CSTF3: variants seen among roughly 807,000 people sequenced by gnomAD.
CSTF3 encodes the protein cleavage stimulation factor subunit 3.
A neutral mutation model predicts 105.8 loss-of-function variants in CSTF3; 29 were observed. The observed-to-expected ratio is 0.27, with a 90% CI of 0.20 to 0.37. The LOEUF (loss-of-function observed/expected upper bound fraction) is 0.37, where lower values mean the gene tolerates loss of function less well. Among genes scored for constraint, CSTF3 ranks in the 10% least tolerant of loss-of-function variants. The pLI, the probability that CSTF3 is intolerant of heterozygous loss-of-function variation, is 1.00. For missense variants in CSTF3, 357 were observed against 879.3 expected (o/e 0.41, Z 7.51); for synonymous variants, 252 against 281.9 (o/e 0.89, Z 1.06).
chr11:33,145,419 C>G (rs950726935), intron 1 of CSTF3, among the ~76,000 whole-genome samples: 30 of 151,752 alleles, frequency 2.0e-4, no homozygotes, highest in African/African-American at 6.1e-4. Context: ...GGGCAAGACT[C>G]TGTGTCAAAA....
chr11:33,095,494 C>T (rs941899920), intron 15 of CSTF3, among the ~76,000 whole-genome samples: 3 of 152,104 alleles, frequency 2.0e-5, no homozygotes, highest in African/African-American at 7.2e-5. Context: ...TAAAGGATGG[C>T]CAGTGTTATT....
intron 8 of CSTF3, among the ~76,000 whole-genome samples, chr11:33,104,695 G>T (rs989325545): frequency 3.3e-5 from 5 of 152,178 alleles, no homozygotes; most frequent in Admixed American, 3.3e-4. Context: ...AGCCCAGGAA[G>T]TTGAGACTGC....
In CSTF3 at chr11:33,109,861, T is replaced by C. The variant is rs142641502; in HGVS notation, c.226-1443A>G. On this transcript the variant is annotated intron_variant, in intron 3 of 20. Coordinates refer to ENST00000323959, the MANE Select transcript of CSTF3 (RefSeq NM_001326.3). ...AGATCTCCTGGTTCTGTCCTTGAAA[T>C]CTGTTATCTTTACCCTTCCTTTGAA... Among the ~76,000 whole-genome samples, 1,186 of 152,296 alleles carry C rather than the reference T, an allele frequency of 7.8e-3. 6 individuals are homozygous for C. The highest frequency in any genetic ancestry group is 0.014 in the Non-Finnish European group (949 of 68,014).
chr11:33,099,795 C>T lies in CSTF3; in HGVS notation c.827-78G>A, dbSNP rs988518468. The T allele has an allele frequency of 5.9e-6, 5 of 842,594 alleles. No homozygotes were observed. The African/African-American group carries it at 7.1e-5, about 12-fold the overall frequency. 52.2% of individuals were successfully genotyped at this position (842,594 alleles called of 1,614,324 possible). A position where few individuals can be genotyped will look rare whatever the true frequency, so the allele number is the denominator to read the frequency against. On this transcript the variant is annotated intron_variant, in intron 10 of 20. Transcript: ENST00000323959. The surrounding 1 kb of genome is among the most constrained non-coding windows in gnomAD (Gnocchi z 4.1). ...AAACTATCAATGTAAATATCATAACCAAATTAGGCTCCTCAAAAATTAATG... is the reference window on the plus strand; with the variant it reads ...AAACTATCAATGTAAATATCATAACTAAATTAGGCTCCTCAAAAATTAATG...
intron 1 of CSTF3, among the ~76,000 whole-genome samples, chr11:33,160,660 T>G (rs1434603276): frequency 6.6e-6 from 1 of 152,252 alleles, no homozygotes. Flanking sequence ...TCATATTTAC[T>G]ATTAAAACAG....
intron 1 of CSTF3, among the ~76,000 whole-genome samples, chr11:33,145,153 C>A (rs1855765777): frequency 6.6e-6 from 1 of 152,054 alleles, no homozygotes; most frequent in Admixed American, 6.6e-5. Flanking sequence ...GAAAATGCAG[C>A]CGGATGCAGA....
At chr11:33,151,107 G>A (rs988136351) in intron 1 of CSTF3, among the ~76,000 whole-genome samples, 4 of 152,044 alleles carry the variant, frequency 2.6e-5, no homozygotes, top group African/African-American at 4.8e-5. Flanking sequence ...CAATCCCTAA[G>A]CCCTGGGCAA....
rs756792158 is a variant in CSTF3, at chr11:33,087,072, G to T, written c.1711C>A (p.Leu571Met). Residue 571 changes from leucine to methionine, a missense_variant, in exon 18 of 21, where the codon CTG (leucine) becomes ATG (methionine). Physicochemically the swap from Leu to Met is conservative, Grantham distance 15 (BLOSUM62 2). Transcript: ENST00000323959. The part of the protein sequence containing the change: ...PVVAPSIVPV[L>M]KDEVDRKPEY... ...GGTTTTCTATCCACTTCATCTTTCA[G>T]AACAGGCACTATAGAAGGAGCTACA... The T allele has an allele frequency of 1.2e-6, 2 of 1,614,112 alleles. No individual in the cohort carries two copies. The highest frequency in any genetic ancestry group is 1.7e-6 in the Non-Finnish European group (2 of 1,179,998).
intron 8 of CSTF3, among the ~76,000 whole-genome samples, chr11:33,104,278 TAACAC>T (rs764044091): frequency 2.0e-5 from 3 of 152,244 alleles, no homozygotes; most frequent in African/African-American, 4.8e-5. Flanking sequence ...GTTGTCATTA[TAACAC>T]TAAGACATTA....
chr11:33,118,589 C>CT (rs1855457148), intron 3 of CSTF3, among the ~76,000 whole-genome samples: 1 of 151,708 alleles, frequency 6.6e-6, no homozygotes, highest in Non-Finnish European at 1.5e-5. Flanking sequence ...GCTACTCTAC[C>CT]TCCCATTAGG....
At chr11:33,092,389 C>A in intron 15 of CSTF3, 49 bp from the exon 16 acceptor site, 1 of 1,266,048 alleles carries the variant, frequency 7.9e-7, no homozygotes, top group Non-Finnish European at 1.1e-6. Context: ...TTTTACGATG[C>A]AACAATATTT....
chr11:33,105,624 A>G lies in CSTF3; in HGVS notation c.528T>C (p.Cys176=). The G allele has an allele frequency of 6.2e-7, 1 of 1,613,466 alleles. No homozygotes were observed. The highest frequency in any genetic ancestry group is 8.5e-7 in the Non-Finnish European group (1 of 1,179,500). Residue 176 remains cysteine, a synonymous_variant, in exon 8 of 21, where the codon TGT becomes TGC. Transcript: ENST00000323959. ...GTTCAATGTTGATCATCGGATTAAC[A>G]CAACCTCGTTGATAAACTCTTCGGA... is the stretch of plus-strand genomic sequence containing the variant. The part of the protein sequence containing the change: ...TAVRRVYQRG[C]VNPMINIEQL...
At chr11:33,097,529 C>T (rs946992817) in intron 13 of CSTF3, among the ~76,000 whole-genome samples, 3 of 152,132 alleles carry the variant, frequency 2.0e-5, no homozygotes, top group African/African-American at 7.2e-5. Flanking sequence ...GCCACCACAC[C>T]CGGCTAATTT....
intron 1 of CSTF3, among the ~76,000 whole-genome samples, chr11:33,149,056 C>T (rs1467221178): frequency 1.3e-5 from 2 of 152,060 alleles, no homozygotes; most frequent in Non-Finnish European, 2.9e-5. Context: ...GGCCAATTCA[C>T]TACATGAGTG....
At chr11:33,126,951 A>T (rs920302567) in intron 3 of CSTF3, among the ~76,000 whole-genome samples, 1 of 152,232 alleles carries the variant, frequency 6.6e-6, no homozygotes, top group African/African-American at 2.4e-5. Flanking sequence ...TGGCAATTTT[A>T]AACAGAGTGG....
intron 4 of CSTF3, 106 bp from the exon 5 acceptor site, chr11:33,108,106 A>C (rs1855344300): frequency 5.9e-6 from 4 of 679,364 alleles, no homozygotes; most frequent in African/African-American, 1.9e-5. Flanking sequence ...TTATGAATTT[A>C]TCTCTTATAA....
At chr11:33,125,847 C>T (rs941601264) in intron 3 of CSTF3, among the ~76,000 whole-genome samples, 1 of 152,148 alleles carries the variant, frequency 6.6e-6, no homozygotes, top group African/African-American at 2.4e-5. Flanking sequence ...CTTATCTCCT[C>T]GCGTTCCTTT....
intron 3 of CSTF3, among the ~76,000 whole-genome samples, chr11:33,131,410 AGAGT>A (rs1855597390): frequency 6.6e-6 from 1 of 152,206 alleles, no homozygotes; most frequent in Non-Finnish European, 1.5e-5. Flanking sequence ...GATCAAAGAA[AGAGT>A]CAGTTATAAA....
Position 33,091,667 on chromosome 11 carries a change from CTT to C in CSTF3, c.1445+602_1445+603del, listed in dbSNP as rs202003364. On this transcript the variant is annotated intron_variant, in intron 16 of 20. Transcript: ENST00000323959. ...GAGGTGAAAATTTCAGAATGCCTCT[CTT>C]AACATGTTAATATCAATTTCTAGGG... 8.1e-3 allele frequency among the ~76,000 whole-genome samples: 1,227 copies of C among 152,264 alleles called. 4 individuals are homozygous for C. Among genetic ancestry groups the C allele is most frequent in the Non-Finnish European group, 0.012 (844 of 68,008 alleles).
Sources: allele counts gnomAD v4.1 joint callset (sites outside exome capture counted in the v4.1 genomes callset), GRCh38; gene constraint gnomAD v4.1.1; non-coding constraint Gnocchi (gnomAD v3.1); transcripts MANE v1.5; gene names NCBI Gene and HGNC (gene_info 2026-07-23, HGNC 2026-07-21).